The following SMC5 variants were observed in gnomAD, a reference collection of about 807,000 sequenced individuals.
SMC5 encodes structural maintenance of chromosomes protein 5.
Under a neutral mutation model 148.3 loss-of-function variants are expected in SMC5, and 88 were observed. That is an observed-to-expected ratio of 0.59 (90% CI 0.50 to 0.71). The LOEUF is 0.71. SMC5 is among the 30% of genes least tolerant of loss of function. The pLI, the probability that SMC5 is intolerant of heterozygous loss-of-function variation, is 0.00. For missense variants in SMC5, 1,142 were observed against 1,298.9 expected (o/e 0.88, Z 1.86); for synonymous variants, 421 against 432.8 (o/e 0.97, Z 0.34).
At chr9:70,351,215 G>T (rs1023959650) in intron 24 of SMC5, among the ~76,000 whole-genome samples, 1 of 152,018 alleles carries the variant, frequency 6.6e-6, no homozygotes, top group Non-Finnish European at 1.5e-5. Context: ...TTAGCTGGAC[G>T]TGGCAGCATG....
chr9:70,271,127 T>C (rs2034439618), intron 3 of SMC5, among the ~76,000 whole-genome samples: 1 of 152,196 alleles, frequency 6.6e-6, no homozygotes, highest in Non-Finnish European at 1.5e-5. Context: ...GAATGTCATG[T>C]TGGCACACAA....
At chr9:70,327,282 G>A (rs1272463731) in intron 17 of SMC5, among the ~76,000 whole-genome samples, 5 of 152,130 alleles carry the variant, frequency 3.3e-5, no homozygotes, top group African/African-American at 1.2e-4. Flanking sequence ...AGATGACTTG[G>A]TTATCAACAG....
chr9:70,288,847 T>C (rs897688993), intron 8 of SMC5, among the ~76,000 whole-genome samples: 12 of 152,192 alleles, frequency 7.9e-5, no homozygotes, highest in Non-Finnish European at 1.6e-4. Context: ...TGAGACTTTT[T>C]TTTGGCTTTT....
At chr9:70,283,673 G>A (rs980661338) in intron 7 of SMC5, among the ~76,000 whole-genome samples, 1 of 152,050 alleles carries the variant, frequency 6.6e-6, no homozygotes, top group African/African-American at 2.4e-5. Flanking sequence ...CTTGAAGATG[G>A]GTGTCAGTGA....
intron 10 of SMC5, among the ~76,000 whole-genome samples, chr9:70,304,937 A>G (rs2035457492): frequency 6.6e-6 from 1 of 152,170 alleles, no homozygotes; most frequent in Non-Finnish European, 1.5e-5. Context: ...TTTACACTCA[A>G]GTCACAATCT....
In SMC5 at chr9:70,305,096, T is replaced by C. The variant is rs538518645; in HGVS notation, c.1465-151T>C. On this transcript the variant is annotated intron_variant, in intron 10 of 24. Transcript: ENST00000361138. The stretch of plus-strand genomic sequence containing the variant: ...TTGTTTCTGGGTAATGGATTAGATG[T>C]TTTAAAATAACTCTTTGGTACCAAG... 6.7e-5 allele frequency: 34 copies of C among 510,112 alleles called. No homozygotes were observed. In the South Asian group the frequency reaches 8.3e-4, roughly 12 times the overall value. 31.6% of individuals were successfully genotyped at this position (510,112 alleles called of 1,614,324 possible).
At chr9:70,281,438 C>T (rs1251543731) in intron 6 of SMC5, among the ~76,000 whole-genome samples, 1 of 152,124 alleles carries the variant, frequency 6.6e-6, no homozygotes, top group Non-Finnish European at 1.5e-5. Flanking sequence ...TTTTAGTCCT[C>T]AACAGATAGT....
chr9:70,302,025 A>G (rs2035371335), intron 10 of SMC5, among the ~76,000 whole-genome samples: 1 of 152,220 alleles, frequency 6.6e-6, no homozygotes, highest in South Asian at 2.1e-4. Context: ...TGAACTCACA[A>G]ACAGAGGGAA....
chr9:70,341,365 G>A (rs1037214340), intron 17 of SMC5, among the ~76,000 whole-genome samples: 1 of 152,128 alleles, frequency 6.6e-6, no homozygotes, highest in East Asian at 1.9e-4. Context: ...AAAGTCCAGA[G>A]GAACAAGAAT....
intron 11 of SMC5, among the ~76,000 whole-genome samples, chr9:70,309,815 A>G (rs960476433): frequency 2.0e-5 from 3 of 152,158 alleles, no homozygotes; most frequent in African/African-American, 7.2e-5. Context: ...ACCTCCTCCC[A>G]TGAATCAAAA....
intron 5 of SMC5, 100 bp downstream of exon 5, chr9:70,278,725 G>A (rs1255963371): frequency 1.7e-5 from 21 of 1,226,988 alleles, no homozygotes; most frequent in East Asian, 5.2e-5. Flanking sequence ...GAGTGAATTC[G>A]TATTTGTGAT....
rs190900156 is a variant in SMC5 at position 70,274,142 on chromosome 9, C to T, written c.381-3168C>T. Among the ~76,000 whole-genome samples the T allele has an allele frequency of 1.5e-3, 233 of 152,300 alleles. 1 individual carries two copies. The highest frequency in any genetic ancestry group is 2.0e-3 in the African/African-American group (84 of 41,550). On this transcript the variant is annotated intron_variant, in intron 3 of 24. Transcript: ENST00000361138. ...AGTCGCCCAGGCTGGAGTGCAGTGG[C>T]GTGATCTCGGCTCACTGCAGGCTCC...
chr9:70,289,791 G>GA (rs1328292072), intron 8 of SMC5, among the ~76,000 whole-genome samples: 4 of 150,388 alleles, frequency 2.7e-5, no homozygotes, highest in East Asian at 3.9e-4. Flanking sequence ...ATCTAATTAA[G>GA]AAAAAAAAAT....
intron 17 of SMC5, among the ~76,000 whole-genome samples, chr9:70,333,639 G>A (rs1025950078): frequency 6.6e-6 from 1 of 152,170 alleles, no homozygotes; most frequent in South Asian, 2.1e-4. Context: ...GCTGAGACAG[G>A]AGGATCACTT....
At position 70,300,154 on chromosome 9, in the gene SMC5, A is replaced by G. The variant is rs1320840652; in HGVS notation, c.1418A>G (p.Asn473Ser). ...GATGCTGTTTTATGGCTAAGAAATA[A>G]CAGAGACAAATTTAAACAAAGAGTC... ...TYDAVLWLRN[N>S]RDKFKQRVCE... The change falls in exon 10 of 25, where the codon AAC (asparagine) becomes AGC (serine). Residue 473 changes from asparagine to serine, a missense_variant. By Grantham distance (46) the Asn-to-Ser change is conservative. This residue lies in a region of SMC5 where 743 missense variants were observed against 835.7 expected (regional missense o/e 0.89). Transcript: ENST00000361138. 1 of 1,602,570 alleles carries G rather than the reference A, an allele frequency of 6.2e-7. No homozygotes were observed. The highest frequency in any genetic ancestry group is 2.3e-5 in the East Asian group (1 of 44,172).
At chr9:70,328,182 C>G (rs1174854620) in intron 17 of SMC5, among the ~76,000 whole-genome samples, 1 of 152,112 alleles carries the variant, frequency 6.6e-6, no homozygotes. Flanking sequence ...CCTGGCCCTT[C>G]CGAAATCTTG....
chr9:70,296,393 T>G (rs1241053953), intron 8 of SMC5, among the ~76,000 whole-genome samples: 1 of 151,874 alleles, frequency 6.6e-6, no homozygotes, highest in African/African-American at 2.4e-5. Context: ...GAAAACCCAG[T>G]TCTACTAAAT....
At chr9:70,345,423 CAG>C (rs1046256711) in intron 18 of SMC5, among the ~76,000 whole-genome samples, 4 of 151,842 alleles carry the variant, frequency 2.6e-5, no homozygotes, top group Non-Finnish European at 5.9e-5. Context: ...AAAAATAAAA[CAG>C]GGTGAGGAGA....
chr9:70,341,010 TCTATTAA>T (rs1184545026), intron 17 of SMC5, among the ~76,000 whole-genome samples: 5 of 152,190 alleles, frequency 3.3e-5, no homozygotes, highest in African/African-American at 1.2e-4. Context: ...TTTTCTATTC[TCTATTAA>T]CTATTAAAGG....
Sources: allele counts gnomAD v4.1 joint callset (sites outside exome capture counted in the v4.1 genomes callset), GRCh38; gene constraint gnomAD v4.1.1; regional missense constraint gnomAD v4.1.1; transcripts MANE v1.5; gene names NCBI Gene and HGNC (gene_info 2026-07-23, HGNC 2026-07-21).